The following PTPRD variants were observed in gnomAD, a reference collection of about 807,000 sequenced individuals.
PTPRD encodes the protein protein tyrosine phosphatase receptor type D.
A neutral mutation model predicts 214.5 loss-of-function variants in PTPRD; 34 were observed. The observed-to-expected ratio is 0.16, with a 90% CI of 0.12 to 0.21. The LOEUF (loss-of-function observed/expected upper bound fraction) is 0.21, where lower values mean the gene tolerates loss of function less well. PTPRD is among the 10% of genes least tolerant of loss of function. The pLI, the probability that PTPRD is intolerant of heterozygous loss-of-function variation, is 1.00. For missense variants in PTPRD, 2,545 were observed against 2,398.7 expected (o/e 1.06, Z -1.27); for synonymous variants, 1,128 against 845.7 (o/e 1.33, Z -5.79).
chr9:9,979,776 C>A (rs1469939292), intron 4 of PTPRD, among the ~76,000 whole-genome samples: 17 of 152,044 alleles, frequency 1.1e-4, no homozygotes, highest in Non-Finnish European at 1.0e-4. Flanking sequence ...TGCAAACGCA[C>A]AGTATTAAAG....
chr9:9,658,081 C>T (rs1461435045), intron 7 of PTPRD, among the ~76,000 whole-genome samples: 2 of 152,068 alleles, frequency 1.3e-5, no homozygotes, highest in Non-Finnish European at 2.9e-5. Context: ...AATGATTCTT[C>T]TATGTATTAC....
At chr9:8,741,490 G>C (rs973361996) in intron 11 of PTPRD, among the ~76,000 whole-genome samples, 3 of 148,582 alleles carry the variant, frequency 2.0e-5, no homozygotes, top group Non-Finnish European at 4.4e-5. Flanking sequence ...TTCTCGCAAA[G>C]TGTAGATAGA....
chr9:9,859,590 A>G (rs920100635), intron 5 of PTPRD, among the ~76,000 whole-genome samples: 1 of 152,232 alleles, frequency 6.6e-6, no homozygotes, highest in Non-Finnish European at 1.5e-5. Flanking sequence ...TGCTCTTGTC[A>G]TATTTGTATA....
At chr9:10,191,898 T>C (rs2099365149) in intron 3 of PTPRD, among the ~76,000 whole-genome samples, 2 of 152,320 alleles carry the variant, frequency 1.3e-5, no homozygotes, top group Non-Finnish European at 1.5e-5. Context: ...TAGTTTCTAG[T>C]AGAAATATCA....
intron 9 of PTPRD, among the ~76,000 whole-genome samples, chr9:9,234,316 C>G (rs1156756520): frequency 3.3e-5 from 5 of 152,204 alleles, no homozygotes. Flanking sequence ...GGGCACAGGG[C>G]ACCATGTCCT....
At chr9:9,071,391 T>A (rs992028473) in intron 10 of PTPRD, among the ~76,000 whole-genome samples, 2 of 152,172 alleles carry the variant, frequency 1.3e-5, no homozygotes, top group Non-Finnish European at 2.9e-5. Context: ...TGGGTGGGCC[T>A]GACTGAATCA....
At chr9:10,128,000 TG>T (rs1174232710) in intron 3 of PTPRD, among the ~76,000 whole-genome samples, 1 of 152,182 alleles carries the variant, frequency 6.6e-6, no homozygotes, top group Non-Finnish European at 1.5e-5. Context: ...TTTGACATCA[TG>T]TTTGGAGAAA....
chr9:9,836,227 T>C (rs1437783702), intron 5 of PTPRD, among the ~76,000 whole-genome samples: 1 of 152,178 alleles, frequency 6.6e-6, no homozygotes. Flanking sequence ...AGCCCCAGAA[T>C]GTGAGCATAT....
intron 3 of PTPRD, among the ~76,000 whole-genome samples, chr9:10,275,206 T>C (rs2094611151): frequency 6.6e-6 from 1 of 152,154 alleles, no homozygotes; most frequent in Admixed American, 6.6e-5. Flanking sequence ...GTATCTTTTT[T>C]CTTTTTACAA....
chr9:10,235,646 G>A (rs1223544199), intron 3 of PTPRD, among the ~76,000 whole-genome samples: 1 of 151,920 alleles, frequency 6.6e-6, no homozygotes, highest in Admixed American at 6.6e-5. Context: ...ATGAGCTCTT[G>A]GCATTTCATA....
intron 5 of PTPRD, among the ~76,000 whole-genome samples, chr9:9,770,373 A>C (rs1237563445): frequency 6.6e-6 from 1 of 152,226 alleles, no homozygotes; most frequent in African/African-American, 2.4e-5. Flanking sequence ...TTTAAGAAAA[A>C]TACGGTGGTT....
At chr9:8,903,127 C>CT (rs2154253200) in intron 11 of PTPRD, among the ~76,000 whole-genome samples, 1 of 151,544 alleles carries the variant, frequency 6.6e-6, no homozygotes, top group South Asian at 2.1e-4. Context: ...AAATAAGTGG[C>CT]TTAGGGATCT....
rs1481827015 is a variant in PTPRD at position 8,341,840 on chromosome 9, G to C, written c.4800C>G (p.Asp1600Glu). 2 of 1,613,462 alleles carry C rather than the reference G, an allele frequency of 1.2e-6. No individual in the cohort carries two copies. Among genetic ancestry groups the C allele is most frequent in the Non-Finnish European group, 1.7e-6 (2 of 1,179,696 alleles). ...GTGCATCATGGATAAAGATGTATTG[G>C]TCTTCTGTTTGAACCATATAGTTCC... ...AQRNYMVQTE[D>E]QYIFIHDALL... Residue 1600 changes from aspartate to glutamate, a missense_variant, in exon 40 of 46, where the codon GAC becomes GAG. By Grantham distance (45) the Asp-to-Glu change is conservative. Coordinates refer to ENST00000381196, the MANE Select transcript of PTPRD (RefSeq NM_002839.4).
intron 3 of PTPRD, among the ~76,000 whole-genome samples, chr9:10,309,508 A>C (rs1471749277): frequency 1.4e-5 from 2 of 144,406 alleles, no homozygotes; most frequent in African/African-American, 5.3e-5. Flanking sequence ...ATGCACCACC[A>C]CATCCAGCTA....
chr9:9,970,539 G>C (rs2095035763), intron 4 of PTPRD, among the ~76,000 whole-genome samples: 1 of 151,980 alleles, frequency 6.6e-6, no homozygotes, highest in Admixed American at 6.6e-5. Flanking sequence ...TAGTGCAGCA[G>C]GTATGTACCT....
At chr9:9,511,957 A>G (rs933504356) in intron 8 of PTPRD, among the ~76,000 whole-genome samples, 11 of 151,884 alleles carry the variant, frequency 7.2e-5, no homozygotes, top group African/African-American at 2.6e-4. Flanking sequence ...TCTACTAGAC[A>G]CATGGTACAT....
intron 10 of PTPRD, among the ~76,000 whole-genome samples, chr9:9,113,678 T>C (rs1405696582): frequency 1.3e-5 from 2 of 152,104 alleles, no homozygotes; most frequent in Non-Finnish European, 2.9e-5. Flanking sequence ...CATCTGTTAC[T>C]CTGGGTTAGG....
chr9:9,213,391 C>T (rs1235647371), intron 9 of PTPRD, among the ~76,000 whole-genome samples: 1 of 152,148 alleles, frequency 6.6e-6, no homozygotes, highest in Non-Finnish European at 1.5e-5. Flanking sequence ...CAGTGTTACT[C>T]TGTTATTCGT....
intron 12 of PTPRD, among the ~76,000 whole-genome samples, chr9:8,685,519 G>C (rs1337103674): frequency 6.6e-6 from 1 of 152,132 alleles, no homozygotes; most frequent in Non-Finnish European, 1.5e-5. Flanking sequence ...CTATATCAAG[G>C]CAACAAACAC....
Sources: gnomAD v4.1 joint callset for allele counts (sites outside exome capture counted in the v4.1 genomes callset) on GRCh38, gnomAD v4.1.1 for gene constraint, MANE v1.5 for transcripts, NCBI Gene and HGNC (gene_info 2026-07-23, HGNC 2026-07-21) for gene names.